The following SORT1 variants were observed in gnomAD, a reference collection of about 807,000 sequenced individuals.
SORT1 encodes sortilin.
A neutral mutation model predicts 101.7 loss-of-function variants in SORT1; 39 were observed. The observed-to-expected ratio is 0.38, with a 90% CI of 0.30 to 0.50. The LOEUF (loss-of-function observed/expected upper bound fraction) is 0.50, where lower values mean the gene tolerates loss of function less well. Among genes scored for constraint, SORT1 ranks in the 20% least tolerant of loss-of-function variants. SORT1 has a pLI of 0.90. For synonymous variants in SORT1, 396 were observed against 393.7 expected (o/e 1.01, Z -0.07); for missense variants, 878 against 1,040.4 (o/e 0.84, Z 2.15).
intron 16 of SORT1, among the ~76,000 whole-genome samples, chr1:109,317,195 C>G (rs1016386118): frequency 6.6e-6 from 1 of 152,094 alleles, no homozygotes; most frequent in African/African-American, 2.4e-5. Flanking sequence ...TTCTTTCTAC[C>G]TAAGAGACTG....
intron 1 of SORT1, among the ~76,000 whole-genome samples, chr1:109,374,428 T>C (rs1409211843): frequency 6.6e-6 from 1 of 151,544 alleles, no homozygotes; most frequent in African/African-American, 2.4e-5. Context: ...CGAAAATTAC[T>C]AAAATACTAA....
At chr1:109,380,005 G>T (rs1185921055) in intron 1 of SORT1, among the ~76,000 whole-genome samples, 1 of 152,180 alleles carries the variant, frequency 6.6e-6, no homozygotes, top group Non-Finnish European at 1.5e-5. Flanking sequence ...GCCAGGCACA[G>T]TGGCTCACCC....
intron 3 of SORT1, among the ~76,000 whole-genome samples, chr1:109,365,708 T>C (rs967686578): frequency 1.3e-5 from 2 of 152,252 alleles, no homozygotes; most frequent in Non-Finnish European, 2.9e-5. Flanking sequence ...GGCATTTGGC[T>C]AGATCCTGGG....
At chr1:109,347,591 G>T in intron 6 of SORT1, 59 bp from the exon 7 acceptor site, 1 of 1,226,846 alleles carries the variant, frequency 8.2e-7, no homozygotes, top group Non-Finnish European at 1.2e-6. Flanking sequence ...GGACTGTGTT[G>T]ACCTTACTCA....
In SORT1 at chr1:109,368,206, A is replaced by T. The variant is rs531857623; in HGVS notation, c.367-725T>A. Among the ~76,000 whole-genome samples, 6 of 150,052 alleles carry T rather than the reference A, an allele frequency of 4.0e-5. No individual in the cohort carries two copies. In the East Asian group the frequency reaches 1.2e-3, roughly 30 times the overall value. On this transcript the variant is annotated intron_variant, in intron 2 of 19. Transcript: ENST00000256637. ...CTTCTTGGGAGGCTGAGGCATGAGA[A>T]TTGCTTGAACCTGGGAGGTGGACGT...
At chr1:109,385,886 A>G (rs1350899914) in intron 1 of SORT1, among the ~76,000 whole-genome samples, 2 of 152,196 alleles carry the variant, frequency 1.3e-5, no homozygotes, top group Non-Finnish European at 2.9e-5. Context: ...TTATAATTAT[A>G]TATCATTTAG....
intron 15 of SORT1, 26 bp from the exon 16 acceptor site, chr1:109,317,995 C>T (rs369638121): frequency 1.9e-5 from 27 of 1,452,426 alleles, no homozygotes; most frequent in Non-Finnish European, 2.6e-5. Context: ...AATAAAGTAC[C>T]TTTCAAAGCA....
At chr1:109,376,097 C>T (rs1327575169) in intron 1 of SORT1, among the ~76,000 whole-genome samples, 1 of 152,120 alleles carries the variant, frequency 6.6e-6, no homozygotes, top group Admixed American at 6.5e-5. Flanking sequence ...AATCCCAGCA[C>T]TTTGGGAGGC....
chr1:109,329,483 G>C (rs934845583), intron 11 of SORT1, among the ~76,000 whole-genome samples: 2 of 152,182 alleles, frequency 1.3e-5, no homozygotes, highest in Admixed American at 1.3e-4. Context: ...TTGATTTCCT[G>C]ACCTCGTGAT....
intron 5 of SORT1, among the ~76,000 whole-genome samples, chr1:109,352,323 G>A (rs944287327): frequency 5.9e-5 from 9 of 152,132 alleles, no homozygotes; most frequent in Admixed American, 5.9e-4. Flanking sequence ...TCAGTGAAAT[G>A]AGGAGTAGGC....
intron 2 of SORT1, among the ~76,000 whole-genome samples, chr1:109,369,307 A>G (rs1257820336): frequency 6.6e-6 from 1 of 152,130 alleles, no homozygotes; most frequent in Non-Finnish European, 1.5e-5. Flanking sequence ...GGGCAACAAG[A>G]GCGAAACTCC....
intron 11 of SORT1, among the ~76,000 whole-genome samples, chr1:109,335,659 T>C (rs150817831): frequency 2.0e-5 from 3 of 152,294 alleles, no homozygotes; most frequent in Non-Finnish European, 2.9e-5. Flanking sequence ...TTGTTTTTTT[T>C]TTCCCTTTTT....
chr1:109,322,649 C>T (rs1647709406), intron 15 of SORT1, among the ~76,000 whole-genome samples: 1 of 78,198 alleles, frequency 1.3e-5, no homozygotes, highest in Admixed American at 1.8e-4. Context: ...GTGTCTCAGC[C>T]ACCTGAGCAG....
Position 109,313,197 on chromosome 1 carries a change from G to A in SORT1, c.*846C>T, listed in dbSNP as rs1658826084. ...AGACTTCCAGCTAAGTTTGTACCCT[G>A]TCCTTGCGTAAGTCTACTGGCACAC... On this transcript the variant is annotated 3_prime_UTR_variant, in exon 20 of 20. Coordinates refer to ENST00000256637, the MANE Select transcript of SORT1 (RefSeq NM_002959.7). 1 of 149,962 alleles carries A rather than the reference G, an allele frequency of 6.7e-6. No homozygotes were observed. Among genetic ancestry groups the A allele is most frequent in the Non-Finnish European group, 1.5e-5 (1 of 66,430 alleles). The allele number at this position is 149,962 out of a possible 1,614,324, so 9.3% of individuals were successfully genotyped here.
intron 1 of SORT1, among the ~76,000 whole-genome samples, chr1:109,373,836 C>A (rs1204314750): frequency 6.6e-6 from 1 of 152,196 alleles, no homozygotes; most frequent in Middle Eastern, 3.2e-3. Context: ...ATAATCCCAG[C>A]CCTTTGGGAG....
intron 1 of SORT1, among the ~76,000 whole-genome samples, chr1:109,381,269 TA>T: frequency 6.6e-6 from 1 of 152,344 alleles, no homozygotes; most frequent in Admixed American, 6.5e-5. Context: ...TCTTCTGTGT[TA>T]GGTATCTTAC....
intron 14 of SORT1, among the ~76,000 whole-genome samples, chr1:109,323,637 C>T (rs1476379647): frequency 2.6e-5 from 4 of 152,224 alleles, no homozygotes; most frequent in Non-Finnish European, 5.9e-5. Flanking sequence ...AGTTGACCGG[C>T]TCTCAAATGC....
At chr1:109,325,722 C>T (rs949933965) in intron 13 of SORT1, among the ~76,000 whole-genome samples, 1 of 151,966 alleles carries the variant, frequency 6.6e-6, no homozygotes, top group African/African-American at 2.4e-5. Context: ...CGCCTGTAAT[C>T]CCAGAATTTT....
At chr1:109,354,701 T>C (rs1486395620) in intron 4 of SORT1, among the ~76,000 whole-genome samples, 170 bp from the exon 5 acceptor site, 1 of 152,134 alleles carries the variant, frequency 6.6e-6, no homozygotes, top group Non-Finnish European at 1.5e-5. Flanking sequence ...CTTATTCTTA[T>C]AAAAAAATAA....
Sources: allele counts gnomAD v4.1 joint callset (sites outside exome capture counted in the v4.1 genomes callset), GRCh38; gene constraint gnomAD v4.1.1; transcripts MANE v1.5; gene names NCBI Gene and HGNC (gene_info 2026-07-23, HGNC 2026-07-21).